Variants in ZSCAN30 observed in about 807,000 individuals in gnomAD.
ZSCAN30 encodes the protein zinc finger and SCAN domain containing 30.
In ZSCAN30, 37 loss-of-function variants were observed where a neutral mutation model predicts 44.3. The observed-to-expected ratio is 0.84, with a 90% CI of 0.64 to 1.10. The LOEUF (loss-of-function observed/expected upper bound fraction) is 1.10, where lower values mean the gene tolerates loss of function less well. Among genes scored for constraint, ZSCAN30 ranks in the 50% least tolerant of loss-of-function variants. The pLI is 0.00. For missense variants in ZSCAN30, 549 were observed against 582.6 expected (o/e 0.94, Z 0.59); for synonymous variants, 181 against 204.6 (o/e 0.88, Z 0.98).
intron 1 of ZSCAN30, among the ~76,000 whole-genome samples, chr18:35,286,773 T>A (rs1385130411): frequency 6.6e-6 from 1 of 152,156 alleles, no homozygotes; most frequent in Non-Finnish European, 1.5e-5. Flanking sequence ...CGAACACTGA[T>A]ATACATAAAG....
chr18:35,269,570 T>C (rs2044229860), intron 1 of ZSCAN30: 1 of 152,186 alleles, frequency 6.6e-6, no homozygotes. Flanking sequence ...TGTTTCCTTC[T>C]GAGAAACTGC....
intron 1 of ZSCAN30, among the ~76,000 whole-genome samples, chr18:35,287,086 A>T (rs1051173782): frequency 6.6e-6 from 1 of 152,224 alleles, no homozygotes; most frequent in Non-Finnish European, 1.5e-5. Context: ...AATACTTAGG[A>T]ATAGATCTGT....
chr18:35,263,174 A>G, intron 3 of ZSCAN30: 1 of 385,104 alleles, frequency 2.6e-6, no homozygotes, highest in Non-Finnish European at 5.0e-6. Context: ...CCAGGGGTTC[A>G]AGGCTGCTGC....
At chr18:35,270,138 C>T (rs1569076657) in intron 1 of ZSCAN30, 1 of 152,154 alleles carries the variant, frequency 6.6e-6, no homozygotes, top group East Asian at 1.9e-4. Context: ...CTGAATAATG[C>T]ATGGATTTTA....
At chr18:35,254,766 G>T (rs918418751) in intron 3 of ZSCAN30, 13 of 308,322 alleles carry the variant, frequency 4.2e-5, no homozygotes, top group African/African-American at 2.4e-4. Flanking sequence ...TCAGGATAAA[G>T]AAAGATATCT....
intron 1 of ZSCAN30, among the ~76,000 whole-genome samples, chr18:35,271,962 C>T (rs2044288859): frequency 6.6e-6 from 1 of 152,148 alleles, no homozygotes; most frequent in African/African-American, 2.4e-5. Flanking sequence ...GCCGAGCCCG[C>T]GCCCACCCGG....
At chr18:35,282,213 A>C (rs1257014930) in intron 1 of ZSCAN30, 1 of 152,224 alleles carries the variant, frequency 6.6e-6, no homozygotes, top group African/African-American at 2.4e-5. Context: ...TCAGTATTTA[A>C]GTTATAGGAT....
At chr18:35,270,605 G>C (rs761808611) in intron 1 of ZSCAN30, among the ~76,000 whole-genome samples, 1 of 152,064 alleles carries the variant, frequency 6.6e-6, no homozygotes, top group Non-Finnish European at 1.5e-5. Flanking sequence ...TTTTGAGACA[G>C]GGTCTCACTC....
intron 1 of ZSCAN30, chr18:35,269,662 G>A (rs2044231447): frequency 6.6e-6 from 1 of 152,128 alleles, no homozygotes; most frequent in Non-Finnish European, 1.5e-5. Context: ...TAGGAACTGA[G>A]CAAGTAAAAT....
At position 35,254,258 on chromosome 18, in the gene ZSCAN30, T is replaced by C; in HGVS notation, c.677A>G (p.Glu226Gly). The C allele has an allele frequency of 6.2e-7, 1 of 1,614,164 alleles. No homozygotes were observed. Among genetic ancestry groups the C allele is most frequent in the Non-Finnish European group, 8.5e-7 (1 of 1,180,000 alleles). The change falls in exon 4 of 4, where the codon GAA becomes GGA. Residue 226 changes from glutamate (E) to glycine (G), a missense_variant. Coordinates refer to ENST00000333206, the MANE Select transcript of ZSCAN30 (RefSeq NM_001112734.4). ...GTTGTCCAGACCTCCCAAAGCTTCT[T>C]CAGCTATCCGTTGGGAATGTGTTTC... ...PGETHSQRIA[E>G]EALGGLDNSK... is the part of the protein sequence containing the mutation.
chr18:35,277,140 T>C (rs907792587), intron 1 of ZSCAN30, among the ~76,000 whole-genome samples: 11 of 152,234 alleles, frequency 7.2e-5, no homozygotes, highest in Non-Finnish European at 1.6e-4. Context: ...CCATTTGGAA[T>C]AGGTGTATTT....
intron 1 of ZSCAN30, among the ~76,000 whole-genome samples, chr18:35,273,549 G>A (rs192898965): frequency 7.6e-4 from 116 of 152,304 alleles, no homozygotes; most frequent in Admixed American, 6.5e-4. Flanking sequence ...TATGGTGTAA[G>A]GCAAGAGTCC....
chr18:35,274,740 A>G (rs994119474), intron 1 of ZSCAN30, among the ~76,000 whole-genome samples: 7 of 152,118 alleles, frequency 4.6e-5, no homozygotes, highest in South Asian at 2.1e-4. Context: ...TTGTTCTAGT[A>G]TTCTGTACTA....
intron 1 of ZSCAN30, among the ~76,000 whole-genome samples, chr18:35,277,428 A>G (rs1173973802): frequency 6.6e-6 from 1 of 152,108 alleles, no homozygotes; most frequent in Non-Finnish European, 1.5e-5. Context: ...CATAATCCCC[A>G]TGTGTCATGA....
intron 1 of ZSCAN30, among the ~76,000 whole-genome samples, chr18:35,275,966 G>T (rs1387927575): frequency 6.6e-6 from 1 of 152,034 alleles, no homozygotes; most frequent in Admixed American, 6.6e-5. Context: ...TATGGATTTG[G>T]TTGATTTTTA....
rs765505497 is a variant in ZSCAN30, at chr18:35,264,011, CT to C, written c.341del (p.Glu114GlyfsTer7). ...GCATAGTCACAGCTTCCTCTCCATTCTCTGGCCGATGCTCTCGCAGCCAAGC... is the reference window on the plus strand; with the variant it reads ...GCATAGTCACAGCTTCCTCTCCATTCCTGGCCGATGCTCTCGCAGCCAAGC... Reference protein sequence around the residue: ...LQAWLREHRPENGEEAVTMLE... With the variant: ...LQAWLREHRPXNGEEAVTMLE... On this transcript the variant is annotated frameshift_variant, in exon 2 of 4. Transcript: ENST00000333206. LOFTEE classifies it high-confidence loss of function. 9 of 1,614,244 alleles carry C rather than the reference CT, an allele frequency of 5.6e-6. No individual in the cohort carries two copies. The highest frequency in any genetic ancestry group is 7.6e-6 in the Non-Finnish European group (9 of 1,180,048).
Position 35,253,725 on chromosome 18 carries a change from T to TA in ZSCAN30, c.1209dup (p.Lys404Ter), listed in dbSNP as rs745331364. On this transcript the variant is annotated frameshift_variant, in exon 4 of 4. Transcript: ENST00000333206. LOFTEE classifies it high-confidence loss of function. ...CTTTTATCTCCAGTGTGAATTTTCTTATGCTGAATAAGGGCTGAGCTCCGG... is the reference window on the plus strand; with the variant it reads ...CTTTTATCTCCAGTGTGAATTTTCTTAATGCTGAATAAGGGCTGAGCTCCGG... 6.2e-7 allele frequency: 1 copy of TA among 1,613,878 alleles called. No homozygotes were observed. The highest frequency in any genetic ancestry group is 2.2e-5 in the East Asian group (1 of 44,866).
Position 35,272,553 on chromosome 18 carries a change from C to T in ZSCAN30, c.-103-8098G>A, listed in dbSNP as rs560669116. 9.9e-5 allele frequency among the ~76,000 whole-genome samples: 15 copies of T among 151,724 alleles called. No individual in the cohort carries two copies. In the East Asian group the frequency reaches 2.9e-3, roughly 30 times the overall value. On this transcript the variant is annotated intron_variant, in intron 1 of 3. Transcript: ENST00000333206. ...ACGGGGTTTCACCATATTGGTTGGC[C>T]AGGCTGTTCTCAAACTCCTGACCTC...
At chr18:35,288,356 G>A (rs1404289797) in intron 1 of ZSCAN30, among the ~76,000 whole-genome samples, 1 of 152,196 alleles carries the variant, frequency 6.6e-6, no homozygotes, top group African/African-American at 2.4e-5. Context: ...TAAGGATGTG[G>A]AGGAACCGGA....
Sources: allele counts gnomAD v4.1 joint callset (sites outside exome capture counted in the v4.1 genomes callset), GRCh38; gene constraint gnomAD v4.1.1; transcripts MANE v1.5; gene names NCBI Gene and HGNC (gene_info 2026-07-23, HGNC 2026-07-21).